PGGHG: variants seen among roughly 807,000 people sequenced by gnomAD.
The protein encoded by PGGHG is ATH1, acid trehalase-like 1.
PGGHG carries 67 observed loss-of-function variants against 74.5 expected under a neutral mutation model. The ratio of observed to expected loss-of-function variants is 0.90; its 90% CI spans 0.74 to 1.10. The LOEUF (loss-of-function observed/expected upper bound fraction) is 1.10. PGGHG is among the 50% of genes least tolerant of loss of function. The pLI, the probability that PGGHG is intolerant of heterozygous loss-of-function variation, is 0.00. For synonymous variants in PGGHG, 496 were observed against 419.9 expected (o/e 1.18, Z -2.21); for missense variants, 1,034 against 981.5 (o/e 1.05, Z -0.72).
chr11:293,948 C>G, intron 11 of PGGHG, 23 bp downstream of exon 11: 1 of 1,604,322 alleles, frequency 6.2e-7, no homozygotes, highest in South Asian at 1.1e-5. Context: ...ACACCTGCCT[C>G]CCACTGGGCC....
intron 2 of PGGHG, 148 bp downstream of exon 2, chr11:290,223 C>A (rs1055751401): frequency 2.4e-5 from 33 of 1,376,364 alleles, no homozygotes; most frequent in East Asian, 2.3e-4. Context: ...CAGGGTCCCC[C>A]CTTCCCTCCA....
In PGGHG at chr11:294,085, C is replaced by T. The variant is rs1429041500; in HGVS notation, c.1711-14C>T. The T allele has an allele frequency of 1.9e-6, 3 of 1,596,308 alleles. No individual in the cohort carries two copies. The highest frequency in any genetic ancestry group is 2.6e-6 in the Non-Finnish European group (3 of 1,169,862). On this transcript the variant is annotated splice_polypyrimidine_tract_variant and intron_variant, in intron 11 of 13. Coordinates refer to ENST00000409548, the MANE Select transcript of PGGHG (RefSeq NM_025092.5). ...ACCTGGGGGTCCTGGTGTCAGCTGC[C>T]CTTGCCCCTGCAGGTGTGGACGGAG...
chr11:291,640 GC>G (rs1300133323), intron 4 of PGGHG: 1 of 304,642 alleles, frequency 3.3e-6, no homozygotes, highest in Non-Finnish European at 6.2e-6. Flanking sequence ...TCCCGGTGCT[GC>G]CGCTGTGGCC....
Position 294,812 on chromosome 11 carries a change from C to T in PGGHG, c.*63C>T, listed in dbSNP as rs1177586469. The T allele has an allele frequency of 8.7e-6, 13 of 1,492,490 alleles. No individual in the cohort carries two copies. The highest frequency in any genetic ancestry group is 1.3e-5 in the South Asian group (1 of 76,824). 92.5% of individuals were successfully genotyped at this position (1,492,490 alleles called of 1,614,324 possible). On this transcript the variant is annotated 3_prime_UTR_variant, in exon 14 of 14. Transcript: ENST00000409548. Reference sequence around the variant, plus strand: ...CCCTCTGGCCACGTCTGCACCCACCCCTCCTGGGCACCCTCCTAGCCTGCC... The same window carrying T: ...CCCTCTGGCCACGTCTGCACCCACCTCTCCTGGGCACCCTCCTAGCCTGCC...
Position 295,029 on chromosome 11 carries a change from T to G in PGGHG, c.*280T>G. The G allele has an allele frequency of 3.1e-6, 1 of 321,522 alleles. No homozygotes were observed. Among genetic ancestry groups the G allele is most frequent in the African/African-American group, 2.1e-5 (1 of 47,086 alleles). The allele number at this position is 321,522 out of a possible 1,614,324, so 19.9% of individuals were successfully genotyped here. On this transcript the variant is annotated 3_prime_UTR_variant, in exon 14 of 14. Transcript: ENST00000409548. ...ACCGTCCCACGACCCCACCCCGAGC[T>G]CCTGAAGCCGGGGTCTGAGCCTGCA...
In PGGHG at chr11:290,006, G is replaced by C. The variant is rs540459543; in HGVS notation, c.190G>C (p.Val64Leu). The change falls in exon 2 of 14, where the codon GTC becomes CTC. Residue 64 changes from valine (V) to leucine (L), a missense_variant. Coordinates refer to ENST00000409548, the MANE Select transcript of PGGHG (RefSeq NM_025092.5). Reference sequence around the variant, plus strand: ...GGCCATGCTGCCCAGCCCCCTCAACGTCCGGCTGGAGGCCCCTGCAGGGAT... The same window carrying C: ...GGCCATGCTGCCCAGCCCCCTCAACCTCCGGCTGGAGGCCCCTGCAGGGAT... ...HRAMLPSPLNVRLEAPAGMGE... is the reference protein window; with the variant it reads ...HRAMLPSPLNLRLEAPAGMGE... 36 of 1,547,832 alleles carry C rather than the reference G, an allele frequency of 2.3e-5. No homozygotes were observed. The highest frequency in any genetic ancestry group is 1.7e-4 in the Middle Eastern group (1 of 5,988).
In PGGHG at chr11:293,618, T is replaced by A; in HGVS notation, c.1505T>A (p.Val502Asp). 1 of 1,613,562 alleles carries A rather than the reference T, an allele frequency of 6.2e-7. No homozygotes were observed. Among genetic ancestry groups the A allele is most frequent in the Non-Finnish European group, 8.5e-7 (1 of 1,179,978 alleles). ...GGAGAGGTGGTGAAGCAGGCAGACG[T>A]CGTGCTCCTGGGATACCCAGTCCCC... ...EPGEVVKQAD[V>D]VLLGYPVPFS... is the part of the protein sequence containing the mutation. Residue 502 changes from valine to aspartate, a missense_variant, in exon 10 of 14, where the codon GTC (valine) becomes GAC (aspartate). Coordinates refer to ENST00000409548, the MANE Select transcript of PGGHG (RefSeq NM_025092.5).
rs756811813 is a variant in PGGHG, at chr11:294,162, C to T, written c.1774C>T (p.Leu592=). 3.1e-6 allele frequency: 5 copies of T among 1,612,718 alleles called. No homozygotes were observed. Among genetic ancestry groups the T allele is most frequent in the East Asian group, 4.5e-5 (2 of 44,886 alleles). Residue 592 remains leucine, a synonymous_variant, in exon 12 of 14, where the codon CTG becomes TTG. Transcript: ENST00000409548. ...CTTCCTGACAGGCATGGGGGGCTTC[C>T]TGCAGGCGGTGGTCTTCGGGTGCAC... ...VNFLTGMGGF[L]QAVVFGCTGF...
intron 2 of PGGHG, 149 bp from the exon 3 acceptor site, chr11:290,241 G>T: frequency 7.5e-7 from 1 of 1,329,130 alleles, no homozygotes; most frequent in Non-Finnish European, 1.0e-6. Context: ...CCACCTGGAG[G>T]CCTCCTGTGC....
intron 11 of PGGHG, 39 bp from the exon 12 acceptor site, chr11:294,060 A>G: frequency 6.3e-7 from 1 of 1,584,754 alleles, no homozygotes. Flanking sequence ...GAGGACGGTG[A>G]CCTGGGGGTC....
chr11:292,927 C>T lies in PGGHG; in HGVS notation c.1200C>T (p.Val400=), dbSNP rs1845769120. ...LFREAGGWDV[V]RAVAEFWCSR... The stretch of plus-strand genomic sequence containing the variant: ...GAGAGGCTGGTGGCTGGGACGTGGT[C>T]AGGGCTGTGGCCGAGTTTTGGTGCA... The change falls in exon 7 of 14, where the codon GTC becomes GTT. Residue 400 remains valine, a synonymous_variant. Transcript: ENST00000409548. The T allele has an allele frequency of 1.9e-6, 3 of 1,614,076 alleles. No homozygotes were observed. Among genetic ancestry groups the T allele is most frequent in the Non-Finnish European group, 2.5e-6 (3 of 1,180,000 alleles).
intron 7 of PGGHG, 26 bp downstream of exon 7, chr11:293,023 G>T (rs112633783): frequency 6.2e-7 from 1 of 1,613,842 alleles, no homozygotes; most frequent in Non-Finnish European, 8.5e-7. Context: ...GGAGGGGCTC[G>T]GGGAGGAAGG....
In PGGHG at chr11:293,229, A is replaced by C. The variant is rs1845780258; in HGVS notation, c.1337A>C (p.Gln446Pro). Residue 446 changes from glutamine (Q) to proline (P), a missense_variant, in exon 8 of 14, where the codon CAG becomes CCG. Gln to Pro is a moderately conservative substitution (Grantham distance 76). Coordinates refer to ENST00000409548, the MANE Select transcript of PGGHG (RefSeq NM_025092.5). ...TCTGTGTACACCAACGTCCTGGTCCAGAACAGGTCAGACACAAGATCCCCT... is the reference window on the plus strand; with the variant it reads ...TCTGTGTACACCAACGTCCTGGTCCCGAACAGGTCAGACACAAGATCCCCT... ...NNSVYTNVLV[Q>P]NSLRFAAALA... 6.2e-7 allele frequency: 1 copy of C among 1,613,342 alleles called. No homozygotes were observed. The highest frequency in any genetic ancestry group is 8.5e-7 in the Non-Finnish European group (1 of 1,179,928).
rs182802350 is a variant in PGGHG at position 291,245 on chromosome 11, G to C, written c.906+132G>C. 4.6e-5 allele frequency: 53 copies of C among 1,163,220 alleles called. No individual in the cohort carries two copies. In the African/African-American group the frequency reaches 7.6e-4, roughly 17 times the overall value. The allele number at this position is 1,163,220 out of a possible 1,614,324, so 72.1% of individuals were successfully genotyped here. ...GTGGCAAAAGGGAAGAGGCCTGGAAGGTGTGCAGGAGTTTGGTAGAGGAGT... is the reference window on the plus strand; with the variant it reads ...GTGGCAAAAGGGAAGAGGCCTGGAACGTGTGCAGGAGTTTGGTAGAGGAGT... On this transcript the variant is annotated intron_variant, in intron 4 of 13. Coordinates refer to ENST00000409548, the MANE Select transcript of PGGHG (RefSeq NM_025092.5).
chr11:294,156 G>A lies in PGGHG; in HGVS notation c.1768G>A (p.Gly590Ser). ...GAVNFLTGMGGFLQAVVFGCT... is the reference protein window; with the variant it reads ...GAVNFLTGMGSFLQAVVFGCT... ...TGTGAACTTCCTGACAGGCATGGGG[G>A]GCTTCCTGCAGGCGGTGGTCTTCGG... is the stretch of plus-strand genomic sequence containing the variant. Residue 590 changes from glycine to serine, a missense_variant, in exon 12 of 14, where the codon GGC becomes AGC. Gly to Ser is a moderately conservative substitution (Grantham distance 56, BLOSUM62 0). Transcript: ENST00000409548. The A allele has an allele frequency of 6.2e-7, 1 of 1,612,830 alleles. No individual in the cohort carries two copies. The highest frequency in any genetic ancestry group is 1.1e-5 in the South Asian group (1 of 90,904).
intron 7 of PGGHG, 37 bp from the exon 8 acceptor site, chr11:293,126 C>G (rs546669379): frequency 6.2e-7 from 1 of 1,613,658 alleles, no homozygotes. Context: ...GCCTCTGAGA[C>G]TCTGCACTGA....
In PGGHG at chr11:290,771, C is replaced by A; in HGVS notation, c.564C>A (p.Thr188=). The A allele has an allele frequency of 6.2e-7, 1 of 1,612,594 alleles. No homozygotes were observed. Among genetic ancestry groups the A allele is most frequent in the Non-Finnish European group, 8.5e-7 (1 of 1,179,754 alleles). Residue 188 remains threonine (T), a synonymous_variant, in exon 4 of 14, where the codon ACC becomes ACA. Transcript: ENST00000409548. ...GGACACCAGCACCCCCAGACCTGAC[C>A]CTTGGGGAAGGTGAGGAGGCTAGGA... ...MLWTPAPPDL[T]LGEGEEARTW... is the part of the protein sequence containing the mutation.
rs372309951 is a variant in PGGHG, at chr11:294,338, T to C, written c.1880T>C (p.Ile627Thr). The C allele has an allele frequency of 6.2e-6, 10 of 1,613,012 alleles. No homozygotes were observed. The African/African-American group carries it at 1.3e-4, about 22-fold the overall frequency. The stretch of plus-strand genomic sequence containing the variant: ...ATCTCCAGAGTGAGCGTCTCCGGCA[T>C]CTTCTACCAGGGGAACAAGCTCAAC... ...SGISRVSVSGIFYQGNKLNFS... is the reference protein window; with the variant it reads ...SGISRVSVSGTFYQGNKLNFS... Residue 627 changes from isoleucine (I) to threonine (T), a missense_variant, in exon 13 of 14, where the codon ATC (isoleucine) becomes ACC (threonine). Ile to Thr is a moderately conservative substitution (Grantham distance 89). Coordinates refer to ENST00000409548, the MANE Select transcript of PGGHG (RefSeq NM_025092.5).
rs1217458612 is a variant in PGGHG at position 290,529 on chromosome 11, C to G, written c.399C>G (p.Leu133=). 6.4e-7 allele frequency: 1 copy of G among 1,550,636 alleles called. No homozygotes were observed. ...CGGGGAGCGGGCCCATCACGCTGCT[C>G]CTGCGGTCAGCCTTCTCCCCAGAAA... ...LAPGSGPITL[L]LRSAFSPESP... The change falls in exon 3 of 14, where the codon CTC becomes CTG. Residue 133 remains leucine, a synonymous_variant. Transcript: ENST00000409548.
Sources: gnomAD v4.1 joint callset for allele counts on GRCh38, gnomAD v4.1.1 for gene constraint, MANE v1.5 for transcripts, NCBI Gene and HGNC (gene_info 2026-07-23, HGNC 2026-07-21) for gene names.